The following ABLIM1 variants were observed in gnomAD, a reference collection of about 807,000 sequenced individuals.
The protein encoded by ABLIM1 is actin binding LIM protein 1.
In ABLIM1, 40 loss-of-function variants were observed where a neutral mutation model predicts 107.0. The ratio of observed to expected loss-of-function variants is 0.37; its 90% confidence interval spans 0.29 to 0.49. The LOEUF (loss-of-function observed/expected upper bound fraction) is 0.49. Ranked by LOEUF, ABLIM1 falls within the 20% of genes least tolerant of loss-of-function variation. ABLIM1 has a pLI of 0.97. For synonymous variants in ABLIM1, 357 were observed against 357.3 expected, an observed-to-expected ratio of 1.00 and a Z score of 0.01; for missense variants, 857 against 1,008.5, an observed-to-expected ratio of 0.85 and a Z score of 2.04.
chr10:114,556,513 C>T lies in ABLIM1; in HGVS notation c.674-8737G>A, dbSNP rs534547087. Reference sequence around the variant, plus strand: ...CTTGCAACTGTGTTACTAGCCTGGCCTTCCTAGGACCATGAGTTTGCAACA... The same window carrying T: ...CTTGCAACTGTGTTACTAGCCTGGCTTTCCTAGGACCATGAGTTTGCAACA... On this transcript the variant is annotated intron_variant, in intron 4 of 22. Coordinates refer to ENST00000533213, the MANE Select transcript of ABLIM1 (RefSeq NM_002313.7). Among the ~76,000 whole-genome samples, 40 of 152,306 alleles carry T rather than the reference C, an allele frequency of 2.6e-4. No homozygotes were observed. The South Asian group carries it at 7.5e-3, about 28-fold the overall frequency.
rs2073782633 is a variant in ABLIM1, at chr10:114,583,458, CACACACACACATATATATATATATATAT to C, written c.380-7887_380-7860del. ...ACACACACACACACACACACACACA[CACACACACACATATATATATATATATAT>C]ATATATATATATATATATATATATA... On this transcript the variant is annotated intron_variant, in intron 2 of 22. Coordinates refer to ENST00000533213, the MANE Select transcript of ABLIM1 (RefSeq NM_002313.7). Among the ~76,000 whole-genome samples, 5 of 11,632 alleles carry C rather than the reference CACACACACACATATATATATATATATAT, an allele frequency of 4.3e-4. No homozygotes were observed. The East Asian group carries it at 0.012, about 27-fold the overall frequency. 7.6% of individuals were successfully genotyped at this position (11,632 alleles called of 152,430 possible).
At chr10:114,587,402 G>A (rs890397703) in intron 2 of ABLIM1, among the ~76,000 whole-genome samples, 2 of 152,052 alleles carry the variant, frequency 1.3e-5, no homozygotes, top group African/African-American at 4.8e-5. Context: ...GATTTCTGCT[G>A]GTGCTACCCT....
chr10:114,696,079 G>A lies in ABLIM1; in HGVS notation c.-213+71982C>T, dbSNP rs552401206. Among the ~76,000 whole-genome samples, 11 of 152,276 alleles carry A rather than the reference G, an allele frequency of 7.2e-5. No individual in the cohort carries two copies. The South Asian group carries it at 1.9e-3, about 26-fold the overall frequency. On this transcript the variant is annotated intron_variant, in intron 1 of 15. Transcript: ENST00000651092. ...AATAGTTTAGAACTTGGCAAGATGA[G>A]TCAAAAATCTTTCCTTGATAGCCCC...
intron 1 of ABLIM1, among the ~76,000 whole-genome samples, chr10:114,698,643 T>C (rs2081244654): frequency 1.3e-5 from 2 of 152,034 alleles, no homozygotes; most frequent in South Asian, 2.1e-4. Context: ...ACTCTGAACA[T>C]ACAGAGAACA....
In ABLIM1 at chr10:114,441,047, T is replaced by G; in HGVS notation, c.2029A>C (p.Ser677Arg). 1 of 1,590,406 alleles carries G rather than the reference T, an allele frequency of 6.3e-7. No individual in the cohort carries two copies. Among genetic ancestry groups the G allele is most frequent in the South Asian group, 1.1e-5 (1 of 87,100 alleles). ...PVSTDFAQYNSYGDVSGGVRD... is the reference protein window; with the variant it reads ...PVSTDFAQYNRYGDVSGGVRD... ...ACTCCCCCGCTGACATCCCCATAGC[T>G]GTTATACTGAGCGAAGTCGGTAGAA... is the stretch of plus-strand genomic sequence containing the variant. The change falls in exon 19 of 23, where the codon AGC (serine) becomes CGC (arginine). Residue 677 changes from serine to arginine, a missense_variant. Transcript: ENST00000533213.
At chr10:114,627,532 G>C (rs960955863) in intron 1 of ABLIM1, among the ~76,000 whole-genome samples, 2 of 152,102 alleles carry the variant, frequency 1.3e-5, no homozygotes, top group African/African-American at 4.8e-5. Context: ...AACACAGAAA[G>C]GGCAAGCAGG....
intron 2 of ABLIM1, among the ~76,000 whole-genome samples, chr10:114,586,829 A>C (rs751655358): frequency 3.9e-5 from 6 of 152,260 alleles, no homozygotes; most frequent in Non-Finnish European, 8.8e-5. Context: ...AATGAAAGGA[A>C]GTCCAAACTC....
chr10:114,537,075 T>C (rs2066118689), intron 6 of ABLIM1, among the ~76,000 whole-genome samples: 1 of 152,160 alleles, frequency 6.6e-6, no homozygotes, highest in South Asian at 2.1e-4. Context: ...GCCTTTACCA[T>C]CCACCAGGAA....
chr10:114,699,941 A>G (rs1274223766), intron 1 of ABLIM1, among the ~76,000 whole-genome samples: 1 of 152,156 alleles, frequency 6.6e-6, no homozygotes, highest in African/African-American at 2.4e-5. Flanking sequence ...GAGAGAATTA[A>G]GCAAAAAGTT....
At chr10:114,477,490 T>C (rs149951108) in intron 8 of ABLIM1, among the ~76,000 whole-genome samples, 4 of 152,244 alleles carry the variant, frequency 2.6e-5, no homozygotes, top group Admixed American at 2.0e-4. Context: ...TCATCCTTAT[T>C]TTTGCCAAGT....
chr10:114,664,159 C>T (rs2079910326), intron 1 of ABLIM1, among the ~76,000 whole-genome samples: 1 of 152,182 alleles, frequency 6.6e-6, no homozygotes, highest in African/African-American at 2.4e-5. Context: ...CTTCACAGAA[C>T]TCCTGTAGTT....
chr10:114,733,653 G>T (rs998700932), intron 1 of ABLIM1, among the ~76,000 whole-genome samples: 4 of 152,066 alleles, frequency 2.6e-5, no homozygotes, highest in Non-Finnish European at 4.4e-5. Flanking sequence ...ATAACATCCA[G>T]ATTCAGTATT....
chr10:114,477,724 T>C (rs1421166188), intron 8 of ABLIM1, among the ~76,000 whole-genome samples: 1 of 152,184 alleles, frequency 6.6e-6, no homozygotes, highest in Admixed American at 6.5e-5. Flanking sequence ...CTTCAGTTTC[T>C]CTCTCCCTTC....
intron 1 of ABLIM1, among the ~76,000 whole-genome samples, chr10:114,678,890 A>T (rs553903536): frequency 5.9e-5 from 9 of 152,180 alleles, no homozygotes; most frequent in African/African-American, 2.2e-4. Flanking sequence ...GTCTCAGTGC[A>T]TGTCTATTCA....
At chr10:114,470,200 A>G (rs2066190175) in intron 10 of ABLIM1, among the ~76,000 whole-genome samples, 1 of 152,192 alleles carries the variant, frequency 6.6e-6, no homozygotes, top group Non-Finnish European at 1.5e-5. Context: ...AGGCGGGTGG[A>G]TCACTTGAGG....
intron 12 of ABLIM1, among the ~76,000 whole-genome samples, chr10:114,460,575 T>C (rs1387198576): frequency 6.6e-6 from 1 of 152,200 alleles, no homozygotes; most frequent in African/African-American, 2.4e-5. Context: ...CATGCCAGCC[T>C]GGGCAACACA....
chr10:114,683,376 A>T (rs1371719395), intron 1 of ABLIM1, among the ~76,000 whole-genome samples: 1 of 152,258 alleles, frequency 6.6e-6, no homozygotes, highest in African/African-American at 2.4e-5. Flanking sequence ...GCTCATTTAC[A>T]GGAGAAAACT....
At chr10:114,740,047 T>C (rs558168120) in intron 1 of ABLIM1, among the ~76,000 whole-genome samples, 9 of 152,198 alleles carry the variant, frequency 5.9e-5, no homozygotes, top group Non-Finnish European at 1.3e-4. Context: ...TTTTAAGTCT[T>C]AATTTGAACA....
chr10:114,668,501 G>A (rs73362074), intron 1 of ABLIM1, among the ~76,000 whole-genome samples: 1,773 of 152,146 alleles, frequency 0.012, 33 homozygotes, highest in African/African-American at 0.04. Context: ...TCTTTCTTTC[G>A]TTTATTTATT....
Sources: allele counts gnomAD v4.1 joint callset (sites outside exome capture counted in the v4.1 genomes callset), GRCh38; gene constraint gnomAD v4.1.1; transcripts MANE v1.5; gene names NCBI Gene and HGNC (gene_info 2026-07-23, HGNC 2026-07-21).